Variants in MIPEP observed in about 807,000 individuals in gnomAD.
MIPEP encodes the protein mitochondrial intermediate peptidase.
A neutral mutation model predicts 90.3 loss-of-function variants in MIPEP; 79 were observed. The observed-to-expected ratio is 0.87, with a 90% confidence interval of 0.73 to 1.05. The LOEUF (loss-of-function observed/expected upper bound fraction) is 1.05, where lower values mean the gene tolerates loss of function less well. MIPEP is among the 50% of genes least tolerant of loss of function. The pLI is 0.00. For synonymous variants in MIPEP, 334 were observed against 315.8 expected (o/e 1.06, Z -0.61); for missense variants, 940 against 905.6 (o/e 1.04, Z -0.49).
chr13:23,887,202 A>G (rs1487704560), intron 1 of MIPEP, among the ~76,000 whole-genome samples: 2 of 152,226 alleles, frequency 1.3e-5, no homozygotes, highest in Admixed American at 6.5e-5. Context: ...AAGACATTTC[A>G]ATATCTTGAT....
intron 18 of MIPEP, among the ~76,000 whole-genome samples, chr13:23,743,194 C>CT (rs1255371204): frequency 6.6e-6 from 1 of 152,192 alleles, no homozygotes; most frequent in Non-Finnish European, 1.5e-5. Flanking sequence ...TTTAATGGCT[C>CT]TTTTTTCTGC....
chr13:23,846,265 C>A (rs1027932350), intron 10 of MIPEP, among the ~76,000 whole-genome samples: 1 of 152,076 alleles, frequency 6.6e-6, no homozygotes, highest in African/African-American at 2.4e-5. Context: ...CCAACATTTA[C>A]TGGATCTCCC....
chr13:23,789,710 C>T (rs1278702888), intron 16 of MIPEP, among the ~76,000 whole-genome samples: 1 of 152,178 alleles, frequency 6.6e-6, no homozygotes, highest in Non-Finnish European at 1.5e-5. Flanking sequence ...CTTTCCATGC[C>T]CTTCTTGTTG....
chr13:23,857,505 G>A (rs180794662), intron 10 of MIPEP, among the ~76,000 whole-genome samples: 43 of 152,276 alleles, frequency 2.8e-4, no homozygotes, highest in Non-Finnish European at 5.7e-4. Flanking sequence ...AGGAGGTTGA[G>A]GCTACAGTGA....
chr13:23,858,359 T>C (rs1311690992), intron 10 of MIPEP, among the ~76,000 whole-genome samples: 2 of 151,314 alleles, frequency 1.3e-5, no homozygotes, highest in East Asian at 3.9e-4. Flanking sequence ...ATTTCATTTA[T>C]ATCCTTCCAG....
In MIPEP at chr13:23,858,890, G is replaced by T. The variant is rs776208660; in HGVS notation, c.1076C>A (p.Pro359His). ...TGCACGAATCACACCACTGTAGTAA[G>T]GGGGGTCCCAGGGCATTACTTCCTA... ...QNSEVMPWDP[P>H]YYSGVIRAER... Residue 359 changes from proline (P) to histidine (H), a missense_variant, in exon 10 of 19, where the codon CCT becomes CAT. Transcript: ENST00000382172. 1.1e-5 allele frequency: 17 copies of T among 1,612,818 alleles called. No individual in the cohort carries two copies. Among genetic ancestry groups the T allele is most frequent in the Non-Finnish European group, 1.0e-5 (12 of 1,179,074 alleles).
intron 14 of MIPEP, among the ~76,000 whole-genome samples, chr13:23,810,713 C>T (rs9510871): frequency 0.36 from 55,477 of 152,072 alleles, 11,035 homozygotes; most frequent in African/African-American, 0.53. Flanking sequence ...GTGGTATGGT[C>T]GTATAAATTA....
intron 16 of MIPEP, among the ~76,000 whole-genome samples, chr13:23,792,527 G>A (rs1007741222): frequency 3.9e-5 from 6 of 152,096 alleles, no homozygotes; most frequent in African/African-American, 1.2e-4. Context: ...CTACAGGTGC[G>A]TGCCACCATG....
chr13:23,878,962 C>T (rs1871175197), intron 4 of MIPEP, among the ~76,000 whole-genome samples: 1 of 152,144 alleles, frequency 6.6e-6, no homozygotes, highest in South Asian at 2.1e-4. Flanking sequence ...CCAAGCCCTA[C>T]CCTCAAGGAG....
chr13:23,833,043 T>C (rs1868848045), intron 14 of MIPEP, among the ~76,000 whole-genome samples: 2 of 152,202 alleles, frequency 1.3e-5, no homozygotes, highest in African/African-American at 4.8e-5. Context: ...GATTATCCTC[T>C]ACCTGAGACC....
intron 10 of MIPEP, among the ~76,000 whole-genome samples, chr13:23,854,251 TC>T (rs1869951148): frequency 6.6e-6 from 1 of 150,444 alleles, no homozygotes; most frequent in South Asian, 2.1e-4. Flanking sequence ...CTTATATTGC[TC>T]TACTTCTGTT....
chr13:23,862,491 C>T (rs1870351774), intron 8 of MIPEP, 129 bp from the exon 9 acceptor site: 2 of 575,846 alleles, frequency 3.5e-6, no homozygotes, highest in African/African-American at 3.8e-5. Flanking sequence ...ACACATAAAT[C>T]ACTATTAATC....
intron 8 of MIPEP, among the ~76,000 whole-genome samples, chr13:23,863,764 A>C (rs1281959232): frequency 2.0e-5 from 3 of 152,228 alleles, no homozygotes; most frequent in Non-Finnish European, 4.4e-5. Context: ...AAAATTAAAA[A>C]GACACCACAT....
intron 2 of MIPEP, among the ~76,000 whole-genome samples, chr13:23,882,760 T>C (rs1387669382): frequency 6.6e-6 from 1 of 152,198 alleles, no homozygotes. Flanking sequence ...GCCAAAACAT[T>C]TAAATCCATA....
intron 16 of MIPEP, among the ~76,000 whole-genome samples, chr13:23,800,711 G>A (rs1953026300): frequency 6.6e-6 from 1 of 152,162 alleles, no homozygotes; most frequent in Non-Finnish European, 1.5e-5. Flanking sequence ...CTGTGGAGCT[G>A]CCCCTATTAA....
intron 2 of MIPEP, among the ~76,000 whole-genome samples, chr13:23,883,683 C>T (rs1871354953): frequency 6.6e-6 from 1 of 151,856 alleles, no homozygotes; most frequent in Non-Finnish European, 1.5e-5. Flanking sequence ...ATTTTTTTTC[C>T]AAATATTTTT....
intron 12 of MIPEP, among the ~76,000 whole-genome samples, chr13:23,838,582 C>A (rs904734472): frequency 2.6e-5 from 4 of 152,192 alleles, no homozygotes; most frequent in Non-Finnish European, 5.9e-5. Flanking sequence ...TTCTCCACAA[C>A]AACCCTATGT....
intron 18 of MIPEP, among the ~76,000 whole-genome samples, chr13:23,731,593 T>G (rs1378335345): frequency 6.6e-6 from 1 of 152,148 alleles, no homozygotes; most frequent in Admixed American, 6.5e-5. Flanking sequence ...GTATAGTTTC[T>G]TAGGACACAG....
At chr13:23,880,915 T>G (rs1451870483) in intron 3 of MIPEP, among the ~76,000 whole-genome samples, 1 of 152,116 alleles carries the variant, frequency 6.6e-6, no homozygotes, top group Non-Finnish European at 1.5e-5. Context: ...TACCCCCTTT[T>G]CCCTGTTGTA....
Sources: gnomAD v4.1 joint callset for allele counts (sites outside exome capture counted in the v4.1 genomes callset) on GRCh38, gnomAD v4.1.1 for gene constraint, MANE v1.5 for transcripts, NCBI Gene and HGNC (gene_info 2026-07-23, HGNC 2026-07-21) for gene names.